ZEB1: variants seen among roughly 807,000 people sequenced by gnomAD.
ZEB1 encodes the protein zinc finger E-box binding homeobox 1, also known as zinc finger E-box-binding homeobox 1.
In ZEB1, 21 loss-of-function variants were observed where a neutral mutation model predicts 84.9. That is an observed-to-expected ratio of 0.25 (90% CI 0.18 to 0.36). The LOEUF is 0.36. ZEB1 is among the 10% of genes least tolerant of loss of function. The pLI is 1.00. For missense variants in ZEB1, 1,104 were observed against 1,330.2 expected, an observed-to-expected ratio of 0.83 and a Z score of 2.65; for synonymous variants, 420 against 471.1, an observed-to-expected ratio of 0.89 and a Z score of 1.41.
chr10:31,329,461 G>A (rs980564214), intron 1 of ZEB1, among the ~76,000 whole-genome samples: 8 of 151,974 alleles, frequency 5.3e-5, no homozygotes, highest in Non-Finnish European at 1.2e-4. Context: ...GTTGTTTCTG[G>A]TTCTTTGCTC....
chr10:31,389,006 G>A (rs980443621), intron 1 of ZEB1, among the ~76,000 whole-genome samples: 2 of 151,922 alleles, frequency 1.3e-5, no homozygotes, highest in African/African-American at 2.4e-5. Flanking sequence ...TTTTATGATA[G>A]TACATATTTT....
chr10:31,437,344 AG>A (rs1014357446), intron 1 of ZEB1, among the ~76,000 whole-genome samples: 2 of 152,200 alleles, frequency 1.3e-5, no homozygotes, highest in Non-Finnish European at 2.9e-5. Context: ...TATCTTCTGA[AG>A]CACTTAAGTC....
chr10:31,439,257 A>G (rs189496038), intron 1 of ZEB1, among the ~76,000 whole-genome samples: 1 of 152,294 alleles, frequency 6.6e-6, no homozygotes, highest in East Asian at 1.9e-4. Flanking sequence ...TTAGATGACT[A>G]TTAAGGTTTT....
chr10:31,448,692 C>T (rs922643350), intron 1 of ZEB1, among the ~76,000 whole-genome samples: 6 of 152,092 alleles, frequency 3.9e-5, no homozygotes, highest in African/African-American at 7.3e-5. Flanking sequence ...TCAGTGTGCC[C>T]CTGCTGGGGG....
intron 1 of ZEB1, among the ~76,000 whole-genome samples, chr10:31,451,950 A>G (rs1377045098): frequency 6.6e-6 from 1 of 152,212 alleles, no homozygotes; most frequent in East Asian, 1.9e-4. Context: ...TCTGTGAGCA[A>G]TGACAACCCT....
intron 1 of ZEB1, among the ~76,000 whole-genome samples, chr10:31,427,511 C>A (rs1046285284): frequency 2.3e-4 from 35 of 152,066 alleles, no homozygotes; most frequent in African/African-American, 8.0e-4. Flanking sequence ...ATTTCTTCCT[C>A]CCTTTCCTCT....
chr10:31,457,053 A>T (rs976150597), intron 1 of ZEB1, among the ~76,000 whole-genome samples: 1 of 151,998 alleles, frequency 6.6e-6, no homozygotes, highest in African/African-American at 2.4e-5. Context: ...TCATGTTTAA[A>T]GATTTTTAAA....
chr10:31,460,949 T>C, intron 1 of ZEB1, 88 bp from the exon 2 acceptor site: 1 of 1,057,746 alleles, frequency 9.5e-7, no homozygotes, highest in Non-Finnish European at 1.4e-6. Context: ...TACAATCTGT[T>C]TTAAGCATCT....
At chr10:31,439,611 G>T (rs2058677481) in intron 1 of ZEB1, among the ~76,000 whole-genome samples, 1 of 150,110 alleles carries the variant, frequency 6.7e-6, no homozygotes, top group Non-Finnish European at 1.5e-5. Flanking sequence ...CAATCAATAA[G>T]ATATTATAGT....
intron 1 of ZEB1, among the ~76,000 whole-genome samples, chr10:31,368,996 T>G (rs1229467926): frequency 2.0e-5 from 3 of 152,248 alleles, no homozygotes; most frequent in Non-Finnish European, 4.4e-5. Flanking sequence ...GGAATCTAAA[T>G]TGAGTTAGTG....
At position 31,466,764 on chromosome 10, in the gene ZEB1, C is replaced by T. The variant is rs140174606; in HGVS notation, c.259+5527C>T. On this transcript the variant is annotated intron_variant, in intron 2 of 8. Coordinates refer to ENST00000424869, the MANE Select transcript of ZEB1 (RefSeq NM_001174096.2). ...AGGAATGAAATAATAAAGATTAGAG[C>T]ACAAATAAATGAAATAAAGAGTAGA... Among the ~76,000 whole-genome samples, 569 of 151,884 alleles carry T rather than the reference C, an allele frequency of 3.7e-3. 5 individuals are homozygous for T. Among genetic ancestry groups the T allele is most frequent in the Non-Finnish European group, 4.4e-3 (302 of 67,928 alleles).
intron 1 of ZEB1, among the ~76,000 whole-genome samples, chr10:31,328,096 T>C (rs1202439506): frequency 6.6e-6 from 1 of 152,196 alleles, no homozygotes; most frequent in African/African-American, 2.4e-5. Flanking sequence ...AATTTTGACT[T>C]TATGGGTAGT....
intron 1 of ZEB1, chr10:31,322,226 A>G (rs1405837687): frequency 6.6e-6 from 1 of 152,406 alleles, no homozygotes; most frequent in Non-Finnish European, 1.5e-5. Flanking sequence ...GTTATATTCC[A>G]TTGTGTTGTG....
chr10:31,461,247 AT>A lies in ZEB1; in HGVS notation c.259+19del, dbSNP rs537761638. On this transcript the variant is annotated intron_variant, in intron 2 of 8. Coordinates refer to ENST00000424869, the MANE Select transcript of ZEB1 (RefSeq NM_001174096.2). ...TGCTGGGAGGATGACAGTAAGTCTG[AT>A]TTTTTTTTGTAATATTGTATTCTCA... The A allele has an allele frequency of 7.8e-5, 124 of 1,588,580 alleles. No homozygotes were observed. The highest frequency in any genetic ancestry group is 7.1e-4 in the East Asian group (31 of 43,830).
chr10:31,412,018 A>G (rs1451026562), intron 1 of ZEB1, among the ~76,000 whole-genome samples: 2 of 152,162 alleles, frequency 1.3e-5, no homozygotes, highest in Non-Finnish European at 2.9e-5. Flanking sequence ...ACCACCTGAT[A>G]TAGACTAAAA....
upstream of ZEB1, chr10:31,319,032 C>A: frequency 2.2e-5 from 14 of 624,804 alleles, no homozygotes; most frequent in South Asian, 2.5e-4. Flanking sequence ...CCCACGGTTG[C>A]CGCAAACCGC....
intron 1 of ZEB1, among the ~76,000 whole-genome samples, chr10:31,354,797 T>C (rs902097535): frequency 4.9e-4 from 74 of 152,348 alleles, no homozygotes; most frequent in African/African-American, 1.8e-3. Context: ...AAGTTCTGCA[T>C]GTATAATAAC....
At chr10:31,501,129 T>C (rs1166655243) in intron 3 of ZEB1, among the ~76,000 whole-genome samples, 1 of 152,174 alleles carries the variant, frequency 6.6e-6, no homozygotes, top group Non-Finnish European at 1.5e-5. Context: ...TGGCCAAACT[T>C]CAGCCTGCTG....
intron 6 of ZEB1, among the ~76,000 whole-genome samples, chr10:31,517,657 C>T (rs963383700): frequency 2.6e-5 from 4 of 151,956 alleles, no homozygotes; most frequent in African/African-American, 9.7e-5. Flanking sequence ...AAGCTAGAAA[C>T]AAGGAGTTTT....
Sources: gnomAD v4.1 joint callset for allele counts (sites outside exome capture counted in the v4.1 genomes callset) on GRCh38, gnomAD v4.1.1 for gene constraint, MANE v1.5 for transcripts, NCBI Gene and HGNC (gene_info 2026-07-23, HGNC 2026-07-21) for gene names.